The following CENPM variants were observed in gnomAD, a reference collection of about 807,000 sequenced individuals.
CENPM encodes interphase centromere complex protein 39.
In CENPM, 14 loss-of-function variants were observed where a neutral mutation model predicts 19.6. The ratio of observed to expected loss-of-function variants is 0.71; its 90% CI spans 0.47 to 1.11. The LOEUF is 1.11. CENPM is among the 50% of genes most tolerant of loss of function. The pLI is 0.00. For synonymous variants in CENPM, 114 were observed against 101.5 expected, an observed-to-expected ratio of 1.12 and a Z score of -0.74; for missense variants, 239 against 228.4, an observed-to-expected ratio of 1.05 and a Z score of -0.30.
At chr22:41,930,005 G>A in the CENPM span, among the ~76,000 whole-genome samples, 24 of 137,940 alleles carry the variant, frequency 1.7e-4, no homozygotes, top group South Asian at 4.4e-3. Flanking sequence ...GTGCAGTGGC[G>A]CAATCTCCGC....
At chr22:41,938,428 C>G (rs1218502186), downstream of CENPM, among the ~76,000 whole-genome samples, 7 of 142,338 alleles carry the variant, frequency 4.9e-5, no homozygotes, top group Middle Eastern at 0.011. Context: ...TGCAGTGGCA[C>G]AGTCTCAGCT....
At chr22:41,939,767 G>T (rs1391846559) in intron 5 of CENPM, among the ~76,000 whole-genome samples, 1 of 4,898 alleles carries the variant, frequency 2.0e-4, no homozygotes, top group East Asian at 9.8e-3. Flanking sequence ...GCTGCCCAGT[G>T]TCTGTCTCAA....
the CENPM span, chr22:41,928,202 G>T: frequency 2.4e-6 from 1 of 409,872 alleles, no homozygotes; most frequent in South Asian, 1.9e-5. This position sits in a 1 kb window ranked among gnomAD's most constrained non-coding sequence, Gnocchi z 4.0. Flanking sequence ...GACTGCAGTG[G>T]AGGGAAGCCC....
At chr22:41,936,213 G>T (rs926170260), downstream of CENPM, among the ~76,000 whole-genome samples, 17 of 152,190 alleles carry the variant, frequency 1.1e-4, no homozygotes, top group African/African-American at 2.7e-4. Context: ...CAGAAAAACT[G>T]GAGAGAAGCA....
At chr22:41,941,157 G>A (rs1211101191) in intron 5 of CENPM, among the ~76,000 whole-genome samples, 2 of 152,172 alleles carry the variant, frequency 1.3e-5, no homozygotes, top group Non-Finnish European at 2.9e-5. Context: ...TATTTCACTG[G>A]GCCAATCACA....
At chr22:41,942,750 CAAA>C (rs59088131) in intron 5 of CENPM, among the ~76,000 whole-genome samples, 5 of 123,856 alleles carry the variant, frequency 4.0e-5, no homozygotes, top group Admixed American at 8.1e-5. Context: ...GACTCCATCT[CAAA>C]AAAAAAAAAA....
At chr22:41,932,988 G>A in the CENPM span, among the ~76,000 whole-genome samples, 1 of 152,194 alleles carries the variant, frequency 6.6e-6, no homozygotes, top group African/African-American at 2.4e-5. The surrounding 1 kb of genome is among the most constrained non-coding windows in gnomAD (Gnocchi z 4.3). Flanking sequence ...GGGTGGGGAG[G>A]TAAGGAGTGC....
At chr22:41,943,585 T>C in intron 5 of CENPM, 25 bp downstream of exon 5, 1 of 1,602,646 alleles carries the variant, frequency 6.2e-7, no homozygotes, top group South Asian at 1.1e-5. Context: ...AGTATAGTGT[T>C]GGTCTCTGTG....
downstream of CENPM, among the ~76,000 whole-genome samples, chr22:41,934,846 C>T (rs2077677396): frequency 6.6e-6 from 1 of 152,226 alleles, no homozygotes; most frequent in African/African-American, 2.4e-5. Flanking sequence ...CCATCTCCCT[C>T]CACCTTACCT....
chr22:41,939,884 A>AAG (rs1316351988), intron 5 of CENPM, among the ~76,000 whole-genome samples: 4 of 93,440 alleles, frequency 4.3e-5, no homozygotes, highest in African/African-American at 1.9e-4. Flanking sequence ...AAGAAAAAGA[A>AAG]AGAAAGAAAG....
rs1049408107 is a variant in CENPM, at chr22:41,939,155, G to A, written c.444C>T (p.Arg148=). 9.3e-6 allele frequency: 15 copies of A among 1,612,532 alleles called. No homozygotes were observed. The East Asian group carries it at 1.3e-4, about 14-fold the overall frequency. ...CGTGGCCAGCACAGATCTGCAGCAC[G>A]CGCACCAGGCGCTGCGCCATGGTGG... is the stretch of plus-strand genomic sequence containing the variant. The part of the protein sequence containing the change: ...FRATMAQRLV[R]VLQICAGHVP... Residue 148 remains arginine (R), a synonymous_variant, in exon 6 of 6, where the codon CGC becomes CGT. Coordinates refer to ENST00000215980, the MANE Select transcript of CENPM (RefSeq NM_024053.5).
At chr22:41,935,933 C>T (rs989220812), downstream of CENPM, among the ~76,000 whole-genome samples, 1 of 150,314 alleles carries the variant, frequency 6.7e-6, no homozygotes, top group Non-Finnish European at 1.5e-5. Context: ...TGCAGTGGTG[C>T]AATCTCAGCT....
At chr22:41,942,699 C>T (rs1300724330) in intron 5 of CENPM, among the ~76,000 whole-genome samples, 5 of 150,056 alleles carry the variant, frequency 3.3e-5, no homozygotes, top group Admixed American at 1.3e-4. Flanking sequence ...TGCAGTGAGC[C>T]GAGATCGCGC....
At chr22:41,946,063 T>C in intron 2 of CENPM, 58 bp from the exon 3 acceptor site, 1 of 1,418,928 alleles carries the variant, frequency 7.0e-7, no homozygotes, top group Non-Finnish European at 9.8e-7. Flanking sequence ...TAGCGACCGT[T>C]TAAATGCTGC....
chr22:41,927,712 T>G, the CENPM span, among the ~76,000 whole-genome samples: 1 of 152,100 alleles, frequency 6.6e-6, no homozygotes, highest in Non-Finnish European at 1.5e-5. Flanking sequence ...TTGGCCAGGC[T>G]GGTCTCGAAC....
At chr22:41,938,229 C>A (rs958181371), downstream of CENPM, among the ~76,000 whole-genome samples, 3 of 151,460 alleles carry the variant, frequency 2.0e-5, no homozygotes, top group Non-Finnish European at 2.9e-5. Flanking sequence ...ACCACCTCCG[C>A]CTCCCAGGTT....
At chr22:41,941,317 C>A (rs1312751482) in intron 5 of CENPM, among the ~76,000 whole-genome samples, 1 of 152,224 alleles carries the variant, frequency 6.6e-6, no homozygotes, top group Non-Finnish European at 1.5e-5. Context: ...CCAGTTCAAA[C>A]CCTGGGTGCT....
At chr22:41,933,367 G>A in the CENPM span, among the ~76,000 whole-genome samples, 613 of 152,052 alleles carry the variant, frequency 4.0e-3, 4 homozygotes, top group African/African-American at 0.014. Context: ...GGGGGTGGGG[G>A]TGGGGGTGAG....
At chr22:41,927,640 C>T in the CENPM span, among the ~76,000 whole-genome samples, 17 of 151,506 alleles carry the variant, frequency 1.1e-4, no homozygotes, top group African/African-American at 3.9e-4. Flanking sequence ...ACTGGGATTA[C>T]AGGCATGCAC....
Sources: allele counts gnomAD v4.1 joint callset (sites outside exome capture counted in the v4.1 genomes callset), GRCh38; gene constraint gnomAD v4.1.1; non-coding constraint Gnocchi (gnomAD v3.1); transcripts MANE v1.5; gene names NCBI Gene and HGNC (gene_info 2026-07-23, HGNC 2026-07-21).